CTNNA3: variants seen among roughly 807,000 people sequenced by gnomAD.
CTNNA3 encodes catenin alpha-3.
CTNNA3 carries 76 observed loss-of-function variants against 95.7 expected under a neutral mutation model. The observed-to-expected ratio is 0.79, with a 90% CI of 0.66 to 0.96. CTNNA3 has a LOEUF of 0.96. CTNNA3 is among the 40% of genes least tolerant of loss of function. The pLI is 0.00. For synonymous variants in CTNNA3, 431 were observed against 374.4 expected, an observed-to-expected ratio of 1.15 and a Z score of -1.74; for missense variants, 1,191 against 1,089.8, an observed-to-expected ratio of 1.09 and a Z score of -1.31.
intron 13 of CTNNA3, among the ~76,000 whole-genome samples, chr10:66,278,935 A>G (rs1198884149): frequency 6.6e-6 from 1 of 151,692 alleles, no homozygotes; most frequent in African/African-American, 2.4e-5. Context: ...AAATTTTGCA[A>G]CAAGAAAATT....
chr10:66,683,663 G>A (rs931230056), intron 9 of CTNNA3, among the ~76,000 whole-genome samples: 13 of 152,082 alleles, frequency 8.5e-5, no homozygotes, highest in African/African-American at 3.1e-4. Context: ...CTTTAATACT[G>A]TTTAATAAGC....
intron 11 of CTNNA3, among the ~76,000 whole-genome samples, chr10:66,441,837 A>G (rs2093377352): frequency 6.6e-6 from 1 of 152,222 alleles, no homozygotes; most frequent in Non-Finnish European, 1.5e-5. Context: ...CAGATTAGAA[A>G]TAAGGCTAGA....
At chr10:67,459,222 C>A (rs1457243562) in intron 5 of CTNNA3, among the ~76,000 whole-genome samples, 2 of 152,158 alleles carry the variant, frequency 1.3e-5, no homozygotes, top group Non-Finnish European at 2.9e-5. Context: ...ATCCTTTCCC[C>A]CAATTAGTAT....
intron 6 of CTNNA3, among the ~76,000 whole-genome samples, chr10:67,214,600 A>AT (rs987125032): frequency 4.0e-4 from 61 of 151,970 alleles, no homozygotes; most frequent in African/African-American, 1.3e-3. Context: ...AGATAGGATA[A>AT]TTTTTTTATT....
intron 16 of CTNNA3, among the ~76,000 whole-genome samples, chr10:65,977,076 T>A (rs901639536): frequency 1.3e-5 from 2 of 152,196 alleles, no homozygotes; most frequent in Non-Finnish European, 2.9e-5. Context: ...GGTCTCTAGG[T>A]TGGTAGAACA....
chr10:67,183,581 C>T (rs1194291169), intron 6 of CTNNA3, among the ~76,000 whole-genome samples: 1 of 151,776 alleles, frequency 6.6e-6, no homozygotes, highest in East Asian at 1.9e-4. Context: ...GGAGATATAC[C>T]TAATGTTAAA....
In CTNNA3 at chr10:66,379,790, C is replaced by A. The variant is rs143773675; in HGVS notation, c.1532-438G>T. ...AAGATGGATTTAAACAAATGAATTC[C>A]AGAGAAAGTTGCCTACTCTGAAGAG... On this transcript the variant is annotated intron_variant, in intron 11 of 17. Transcript: ENST00000433211. 5.4e-3 allele frequency among the ~76,000 whole-genome samples: 820 copies of A among 152,166 alleles called. 9 individuals carry two copies. The highest frequency in any genetic ancestry group is 0.014 in the African/African-American group (572 of 41,518).
intron 5 of CTNNA3, among the ~76,000 whole-genome samples, chr10:67,283,514 G>A (rs1839478920): frequency 1.3e-5 from 2 of 152,152 alleles, no homozygotes; most frequent in South Asian, 2.1e-4. Context: ...CAAAGTCCTA[G>A]TAGGTCACTG....
chr10:67,501,276 T>G (rs1839223974), intron 5 of CTNNA3, among the ~76,000 whole-genome samples: 1 of 152,244 alleles, frequency 6.6e-6, no homozygotes, highest in African/African-American at 2.4e-5. Context: ...TCTTTAATAA[T>G]GTTGAATATT....
At chr10:66,420,391 CAG>C (rs2093181221) in intron 11 of CTNNA3, among the ~76,000 whole-genome samples, 1 of 151,996 alleles carries the variant, frequency 6.6e-6, no homozygotes, top group African/African-American at 2.4e-5. Flanking sequence ...CCCAATTGAA[CAG>C]AGAGTGTCTA....
At chr10:67,640,541 T>C (rs1295200751) in intron 2 of CTNNA3, among the ~76,000 whole-genome samples, 5 of 152,168 alleles carry the variant, frequency 3.3e-5, no homozygotes, top group South Asian at 2.1e-4. Flanking sequence ...GAGCCTGCAT[T>C]GCCAAGTCAA....
At chr10:66,093,046 GC>G (rs1184908754) in intron 14 of CTNNA3, among the ~76,000 whole-genome samples, 1 of 151,844 alleles carries the variant, frequency 6.6e-6, no homozygotes, top group African/African-American at 2.4e-5. Flanking sequence ...TTTTAATGAA[GC>G]TCCACTGTCT....
intron 13 of CTNNA3, among the ~76,000 whole-genome samples, chr10:66,273,703 G>A (rs757004542): frequency 2.0e-5 from 3 of 152,132 alleles, no homozygotes; most frequent in Admixed American, 6.6e-5. Flanking sequence ...GGAGAAGGGT[G>A]GGTTCTGGTA....
At chr10:67,040,453 C>T (rs145543415) in intron 7 of CTNNA3, among the ~76,000 whole-genome samples, 4,460 of 152,148 alleles carry the variant, frequency 0.029, 120 homozygotes, top group Non-Finnish European at 0.038. Flanking sequence ...TTTGTCATCA[C>T]AAATTGGATT....
intron 7 of CTNNA3, among the ~76,000 whole-genome samples, chr10:66,876,349 T>C (rs1347476616): frequency 6.6e-6 from 1 of 152,126 alleles, no homozygotes; most frequent in Non-Finnish European, 1.5e-5. Context: ...GAAATTGAGA[T>C]AAAGAACATT....
intron 5 of CTNNA3, among the ~76,000 whole-genome samples, chr10:67,386,076 A>G (rs1258459262): frequency 1.3e-5 from 2 of 152,220 alleles, no homozygotes; most frequent in Non-Finnish European, 2.9e-5. Flanking sequence ...GGCACTCAGA[A>G]ACTATAATGT....
intron 13 of CTNNA3, among the ~76,000 whole-genome samples, chr10:66,207,199 G>T (rs2087819034): frequency 6.6e-6 from 1 of 150,872 alleles, no homozygotes; most frequent in African/African-American, 2.4e-5. Flanking sequence ...TCTATCTAAT[G>T]ATATCTACCT....
chr10:66,131,367 C>A (rs1399704016), intron 13 of CTNNA3, among the ~76,000 whole-genome samples: 1 of 152,146 alleles, frequency 6.6e-6, no homozygotes, highest in Non-Finnish European at 1.5e-5. Flanking sequence ...TAACCCACCA[C>A]AATCAAGAAT....
intron 2 of CTNNA3, among the ~76,000 whole-genome samples, chr10:67,635,315 A>C (rs951135898): frequency 2.0e-5 from 3 of 152,236 alleles, no homozygotes; most frequent in African/African-American, 7.2e-5. Context: ...TCTCTAACTC[A>C]TTCTATGAGG....
Sources: gnomAD v4.1 joint callset for allele counts (sites outside exome capture counted in the v4.1 genomes callset) on GRCh38, gnomAD v4.1.1 for gene constraint, MANE v1.5 for transcripts, NCBI Gene and HGNC (gene_info 2026-07-23, HGNC 2026-07-21) for gene names.